The following GK5 variants were observed in gnomAD, a reference collection of about 807,000 sequenced individuals.
GK5 encodes glycerol kinase 5.
In GK5, 39 loss-of-function variants were observed where a neutral mutation model predicts 77.3. The ratio of observed to expected loss-of-function variants is 0.50; its 90% CI spans 0.39 to 0.66. GK5 has a LOEUF of 0.66. Ranked by LOEUF, GK5 falls within the 30% of genes least tolerant of loss-of-function variation. GK5 has a pLI of 0.00. For synonymous variants in GK5, 211 were observed against 208.0 expected, an observed-to-expected ratio of 1.01 and a Z score of -0.13; for missense variants, 487 against 633.8, an observed-to-expected ratio of 0.77 and a Z score of 2.49.
At chr3:142,198,015 C>T (rs1255951026) in intron 5 of GK5, among the ~76,000 whole-genome samples, 1 of 147,386 alleles carries the variant, frequency 6.8e-6, no homozygotes, top group Non-Finnish European at 1.5e-5. Flanking sequence ...GGGTGAGACT[C>T]TGTCTCAAAA....
At chr3:142,181,147 T>C (rs2063692114) in intron 11 of GK5, among the ~76,000 whole-genome samples, 1 of 152,230 alleles carries the variant, frequency 6.6e-6, no homozygotes, top group African/African-American at 2.4e-5. Flanking sequence ...GTCATGTTAT[T>C]AATTTTTCTG....
chr3:142,203,960 A>C (rs550894813), intron 4 of GK5, among the ~76,000 whole-genome samples: 3 of 152,212 alleles, frequency 2.0e-5, no homozygotes, highest in East Asian at 3.9e-4. Flanking sequence ...TGATGTTGCT[A>C]TTGTCACTGT....
intron 5 of GK5, among the ~76,000 whole-genome samples, chr3:142,188,383 A>G (rs1165152736): frequency 6.6e-6 from 1 of 152,166 alleles, no homozygotes; most frequent in Non-Finnish European, 1.5e-5. Context: ...ATACAAAAAA[A>G]AATTAGCTGG....
At chr3:142,220,038 C>T (rs577493568) in intron 1 of GK5, among the ~76,000 whole-genome samples, 1 of 152,324 alleles carries the variant, frequency 6.6e-6, no homozygotes, top group African/African-American at 2.4e-5. Flanking sequence ...TAAACATATG[C>T]ATGTATCTCC....
At chr3:142,186,570 T>C in intron 6 of GK5, 57 bp from the exon 7 acceptor site, 1 of 741,434 alleles carries the variant, frequency 1.3e-6, no homozygotes, top group African/African-American at 1.8e-5. Context: ...TCAACACCTA[T>C]CGATAGTATA....
At chr3:142,172,862 G>A (rs1286189234) in intron 12 of GK5, among the ~76,000 whole-genome samples, 1 of 152,096 alleles carries the variant, frequency 6.6e-6, no homozygotes, top group African/African-American at 2.4e-5. Context: ...CTACAAAAAT[G>A]TACTTTTTAG....
intron 9 of GK5, 90 bp from the exon 10 acceptor site, chr3:142,183,139 T>C: frequency 1.8e-6 from 2 of 1,134,736 alleles, no homozygotes; most frequent in Non-Finnish European, 2.5e-6. Flanking sequence ...ACTCTCATGA[T>C]TAAACATCTT....
chr3:142,169,896 CTCTTG>C (rs2063515506), intron 15 of GK5, among the ~76,000 whole-genome samples: 4 of 152,124 alleles, frequency 2.6e-5, no homozygotes, highest in Admixed American at 6.5e-5. Context: ...TGGTCTTGAA[CTCTTG>C]ACCTCAGGTG....
intron 3 of GK5, 69 bp from the exon 4 acceptor site, chr3:142,204,857 G>A (rs2064081583): frequency 6.9e-6 from 6 of 866,106 alleles, no homozygotes; most frequent in South Asian, 1.6e-5. Context: ...TGTGCCATAA[G>A]AGAAAACAAA....
chr3:142,199,072 T>C (rs2063978917), intron 4 of GK5, 139 bp from the exon 5 acceptor site: 1 of 554,252 alleles, frequency 1.8e-6, no homozygotes, highest in Non-Finnish European at 3.0e-6. Context: ...ATTAAGAAAA[T>C]AAAAAACAGC....
chr3:142,186,630 C>CTTT (rs781196956), intron 6 of GK5, 117 bp from the exon 7 acceptor site: 283 of 262,172 alleles, frequency 1.1e-3, no homozygotes, highest in South Asian at 2.7e-3. Flanking sequence ...TGTGTATTTT[C>CTTT]TTTTTTTTTT....
At chr3:142,184,826 G>C in intron 9 of GK5, 3 of 979,592 alleles carry the variant, frequency 3.1e-6, no homozygotes, top group Non-Finnish European at 3.6e-6. Context: ...TGGGAGACAA[G>C]AGTGAAACTC....
At chr3:142,173,638 G>A (rs1366845693) in intron 12 of GK5, among the ~76,000 whole-genome samples, 1 of 152,008 alleles carries the variant, frequency 6.6e-6, no homozygotes, top group Non-Finnish European at 1.5e-5. Context: ...GAGCGGAGAT[G>A]GCGCCACTGC....
At chr3:142,202,078 C>T (rs1468278665) in intron 4 of GK5, among the ~76,000 whole-genome samples, 2 of 152,000 alleles carry the variant, frequency 1.3e-5, no homozygotes, top group African/African-American at 4.8e-5. Flanking sequence ...TAAGAAAGGG[C>T]TTGAGTGCTA....
In GK5 at chr3:142,164,519, T is replaced by C. The variant is rs2063452967; in HGVS notation, c.*1103A>G. The C allele has an allele frequency of 6.6e-6, 1 of 152,286 alleles. No homozygotes were observed. Among genetic ancestry groups the C allele is most frequent in the Non-Finnish European group, 1.5e-5 (1 of 68,094 alleles). The allele number at this position is 152,286 out of a possible 1,614,324, so 9.4% of individuals were successfully genotyped here. A position where few individuals can be genotyped will look rare whatever the true frequency, so the allele number is the denominator to read the frequency against. On this transcript the variant is annotated 3_prime_UTR_variant, in exon 16 of 16. Coordinates refer to ENST00000392993, the MANE Select transcript of GK5 (RefSeq NM_001039547.3). Reference sequence around the variant, plus strand: ...AAGTCTAAGCATGTGAAACTGTCCTTGTTGCTCCCTGTGGATCTCTGGCTG... The same window carrying C: ...AAGTCTAAGCATGTGAAACTGTCCTCGTTGCTCCCTGTGGATCTCTGGCTG...
chr3:142,208,986 A>G (rs1343321079), intron 3 of GK5, among the ~76,000 whole-genome samples: 1 of 152,114 alleles, frequency 6.6e-6, no homozygotes, highest in Non-Finnish European at 1.5e-5. Flanking sequence ...CGTCTCTACT[A>G]AAAATACAAA....
Position 142,165,559 on chromosome 3 carries a change from G to T in GK5, c.*63C>A. On this transcript the variant is annotated 3_prime_UTR_variant, in exon 16 of 16. Transcript: ENST00000392993. ...TCATTGTCATATGGGTTATCCCTGA[G>T]CTTCATCTCATCTGCACGTCACATA... The T allele has an allele frequency of 7.9e-7, 1 of 1,260,896 alleles. No homozygotes were observed. Among genetic ancestry groups the T allele is most frequent in the South Asian group, 1.6e-5 (1 of 61,458 alleles). The allele number at this position is 1,260,896 out of a possible 1,614,324, so 78.1% of individuals were successfully genotyped here. A position where few individuals can be genotyped will look rare whatever the true frequency, so the allele number is the denominator to read the frequency against.
chr3:142,165,884 A>G, intron 15 of GK5, 114 bp from the exon 16 acceptor site: 1 of 628,352 alleles, frequency 1.6e-6, no homozygotes, highest in South Asian at 2.5e-5. Context: ...TATTTTTAAA[A>G]CAATCCAAAA....
intron 2 of GK5, among the ~76,000 whole-genome samples, chr3:142,214,869 A>T (rs1276918801): frequency 6.6e-6 from 1 of 152,198 alleles, no homozygotes; most frequent in Non-Finnish European, 1.5e-5. Flanking sequence ...GTTCAGAAAG[A>T]AAAAAACAGT....
Sources: allele counts gnomAD v4.1 joint callset (sites outside exome capture counted in the v4.1 genomes callset), GRCh38; gene constraint gnomAD v4.1.1; transcripts MANE v1.5; gene names NCBI Gene and HGNC (gene_info 2026-07-23, HGNC 2026-07-21).